FARP2: variants seen among roughly 807,000 people sequenced by gnomAD.
FARP2 encodes the protein FERM, ARH/RhoGEF and pleckstrin domain protein 2, also known as FERM, ARHGEF and pleckstrin domain-containing protein 2.
A neutral mutation model predicts 130.5 loss-of-function variants in FARP2; 111 were observed. The ratio of observed to expected loss-of-function variants is 0.85; its 90% CI spans 0.73 to 1.00. The LOEUF (loss-of-function observed/expected upper bound fraction) is 1.00, where lower values mean the gene tolerates loss of function less well. Among genes scored for constraint, FARP2 ranks in the 50% least tolerant of loss-of-function variants. FARP2 has a pLI of 0.00. For synonymous variants in FARP2, 504 were observed against 516.9 expected (o/e 0.98, Z 0.34); for missense variants, 1,385 against 1,346.3 (o/e 1.03, Z -0.45).
At position 241,411,120 on chromosome 2, in the gene FARP2, TCTC is replaced by T; in HGVS notation, c.501_503del (p.Leu168del). ...CCACAGCGGCCCTTCTCACGTCCCA[TCTC>T]CTGCAGTGTGAGTATCTCCCCGCCA... On this transcript the variant is annotated inframe_deletion, in exon 6 of 27. Transcript: ENST00000264042. 1 of 1,608,770 alleles carries T rather than the reference TCTC, an allele frequency of 6.2e-7. No homozygotes were observed. Among genetic ancestry groups the T allele is most frequent in the Non-Finnish European group, 8.5e-7 (1 of 1,176,556 alleles).
At chr2:241,413,959 G>T (rs1206405354) in intron 7 of FARP2, among the ~76,000 whole-genome samples, 4 of 151,352 alleles carry the variant, frequency 2.6e-5, no homozygotes, top group Non-Finnish European at 5.9e-5. Flanking sequence ...AAAAAAAGGT[G>T]CTGGAAAAGA....
rs1559820277 is a variant in FARP2 at position 241,493,367 on chromosome 2, CAA to C, written c.2972_2973del (p.Lys991ArgfsTer18). 6.8e-6 allele frequency: 11 copies of C among 1,613,994 alleles called. No homozygotes were observed. The highest frequency in any genetic ancestry group is 9.3e-6 in the Non-Finnish European group (11 of 1,179,958). Reference protein sequence around the residue: ...SIPREADGIHKDYVFKLQFKS... With the variant: ...SIPREADGIHXDYVFKLQFKS... ...TCCCCAGGGAGGCCGATGGCATACA[CAA>C]AGACTATGTTTTCAAGCTCCAGTTC... On this transcript the variant is annotated frameshift_variant, in exon 26 of 27. Transcript: ENST00000264042. LOFTEE classifies it high-confidence loss of function.
chr2:241,374,202 G>T (rs1184233238), intron 2 of FARP2, among the ~76,000 whole-genome samples: 2 of 151,972 alleles, frequency 1.3e-5, no homozygotes, highest in East Asian at 3.9e-4. Flanking sequence ...AGTAGAAACA[G>T]GGTTTTGCCA....
At chr2:241,407,009 T>G (rs183529608) in intron 4 of FARP2, among the ~76,000 whole-genome samples, 3 of 151,674 alleles carry the variant, frequency 2.0e-5, no homozygotes, top group African/African-American at 4.8e-5. Context: ...GGGGTTTCAC[T>G]GTGTTGGCCA....
intron 4 of FARP2, among the ~76,000 whole-genome samples, chr2:241,405,903 C>T (rs1263106542): frequency 6.6e-6 from 1 of 151,974 alleles, no homozygotes; most frequent in Non-Finnish European, 1.5e-5. Flanking sequence ...CACTGCACTC[C>T]AGCCTGGGCA....
chr2:241,442,545 T>G (rs565597657), intron 13 of FARP2: 8 of 447,060 alleles, frequency 1.8e-5, no homozygotes, highest in Non-Finnish European at 3.2e-5. Flanking sequence ...CACTCTGGGT[T>G]CCTTTACAAG....
intron 5 of FARP2, among the ~76,000 whole-genome samples, chr2:241,407,997 T>C (rs914547431): frequency 2.6e-5 from 4 of 152,206 alleles, no homozygotes; most frequent in Admixed American, 6.5e-5. Flanking sequence ...TTAGTTCTTA[T>C]GGATTTATGG....
At chr2:241,483,604 GCCT>G in intron 20 of FARP2, 71 bp downstream of exon 20, 1 of 1,487,276 alleles carries the variant, frequency 6.7e-7, no homozygotes. Context: ...TAGGGACATC[GCCT>G]GCAGCGGCAG....
At chr2:241,434,498 A>G (rs925951231) in intron 10 of FARP2, among the ~76,000 whole-genome samples, 177 bp downstream of exon 10, 3 of 152,194 alleles carry the variant, frequency 2.0e-5, no homozygotes, top group Non-Finnish European at 2.9e-5. Context: ...CGGAAAAAAT[A>G]CGCTTAATAA....
chr2:241,403,569 T>C (rs12695001), intron 2 of FARP2, among the ~76,000 whole-genome samples: 121,749 of 152,194 alleles, frequency 0.8, 48,871 homozygotes, highest in East Asian at 0.95. Context: ...TTTCTATAGC[T>C]TAAAGTTACA....
intron 1 of FARP2, among the ~76,000 whole-genome samples, chr2:241,359,913 C>T (rs2061147556): frequency 1.3e-5 from 2 of 152,184 alleles, no homozygotes; most frequent in African/African-American, 4.8e-5. Context: ...CATGCATCTC[C>T]TTGCAGTGGT....
chr2:241,423,547 C>G (rs1029622017), intron 8 of FARP2, among the ~76,000 whole-genome samples: 1 of 152,172 alleles, frequency 6.6e-6, no homozygotes, highest in African/African-American at 2.4e-5. Flanking sequence ...AAAGCAACCA[C>G]AAAAACAAGT....
chr2:241,479,038 A>G, intron 19 of FARP2: 3 of 539,842 alleles, frequency 5.6e-6, no homozygotes, highest in South Asian at 5.1e-5. Context: ...CTCTTTCCCA[A>G]GATGCAATGA....
chr2:241,479,899 C>A (rs1010193163), intron 19 of FARP2, among the ~76,000 whole-genome samples: 4 of 152,188 alleles, frequency 2.6e-5, no homozygotes, highest in Admixed American at 2.6e-4. Flanking sequence ...ATCACAAATG[C>A]CTTTCTCTCA....
chr2:241,394,237 GGCCAGGTGCTTTGGCTCAC>G (rs1216671039), intron 2 of FARP2, among the ~76,000 whole-genome samples: 1 of 152,178 alleles, frequency 6.6e-6, no homozygotes, highest in Non-Finnish European at 1.5e-5. Flanking sequence ...TGGACATGTG[GGCCAGGTGCTTTGGCTCAC>G]GCCTGTAATC....
chr2:241,383,514 C>T (rs986926742), intron 2 of FARP2, among the ~76,000 whole-genome samples: 1 of 152,126 alleles, frequency 6.6e-6, no homozygotes, highest in Non-Finnish European at 1.5e-5. Flanking sequence ...GGGAGTGGAG[C>T]AGAGAGGCAT....
At chr2:241,462,025 G>A (rs930996075) in intron 14 of FARP2, among the ~76,000 whole-genome samples, 9 of 152,212 alleles carry the variant, frequency 5.9e-5, no homozygotes, top group Non-Finnish European at 1.2e-4. Context: ...CTATAGGATC[G>A]CTCAGGGCTG....
intron 9 of FARP2, among the ~76,000 whole-genome samples, chr2:241,433,001 G>A (rs905344006): frequency 3.3e-5 from 5 of 152,144 alleles, no homozygotes; most frequent in Non-Finnish European, 5.9e-5. Flanking sequence ...AAGTGTGTTT[G>A]CTTTTGGTAG....
At chr2:241,391,827 G>A (rs576220277) in intron 2 of FARP2, among the ~76,000 whole-genome samples, 2 of 152,242 alleles carry the variant, frequency 1.3e-5, no homozygotes, top group Admixed American at 1.3e-4. Context: ...CTGTACAGTC[G>A]TTTTCCAGAG....
Sources: allele counts gnomAD v4.1 joint callset (sites outside exome capture counted in the v4.1 genomes callset), GRCh38; gene constraint gnomAD v4.1.1; transcripts MANE v1.5; gene names NCBI Gene and HGNC (gene_info 2026-07-23, HGNC 2026-07-21).